WASF3: variants seen among roughly 807,000 people sequenced by gnomAD.
The protein encoded by WASF3 is WASP family member 3.
Under a neutral mutation model 46.6 loss-of-function variants are expected in WASF3, and 11 were observed. That is an observed-to-expected ratio of 0.24 (90% confidence interval 0.15 to 0.39). The LOEUF (loss-of-function observed/expected upper bound fraction) is 0.39, where lower values mean the gene tolerates loss of function less well. WASF3 is among the 10% of genes least tolerant of loss of function. The probability of loss-of-function intolerance (pLI) is 1.00; values close to 1 mark genes in which losing one functional copy is unlikely to be tolerated. For missense variants in WASF3, 576 were observed against 669.8 expected, an observed-to-expected ratio of 0.86 and a Z score of 1.55; for synonymous variants, 242 against 259.7, an observed-to-expected ratio of 0.93 and a Z score of 0.65.
chr13:26,575,665 T>C (rs1333866516), intron 1 of WASF3, among the ~76,000 whole-genome samples: 1 of 152,238 alleles, frequency 6.6e-6, no homozygotes, highest in Non-Finnish European at 1.5e-5. Flanking sequence ...TTAGCCTCGT[T>C]AGTTGAAGGA....
intron 2 of WASF3, among the ~76,000 whole-genome samples, chr13:26,623,752 A>G (rs986403214): frequency 6.6e-6 from 1 of 152,158 alleles, no homozygotes; most frequent in Non-Finnish European, 1.5e-5. Flanking sequence ...GCACCTGGTA[A>G]CGTAGCAATA....
chr13:26,664,210 G>A (rs1292441677), intron 3 of WASF3, among the ~76,000 whole-genome samples: 1 of 152,188 alleles, frequency 6.6e-6, no homozygotes. Flanking sequence ...TCTCATTTGA[G>A]TGATAAACTG....
chr13:26,657,688 T>C (rs1311997129), intron 3 of WASF3, among the ~76,000 whole-genome samples: 1 of 152,240 alleles, frequency 6.6e-6, no homozygotes, highest in Non-Finnish European at 1.5e-5. Context: ...ATGAATAAAT[T>C]GCATTTACCT....
At chr13:26,622,105 G>A (rs925924608) in intron 2 of WASF3, among the ~76,000 whole-genome samples, 1 of 152,162 alleles carries the variant, frequency 6.6e-6, no homozygotes, top group Non-Finnish European at 1.5e-5. Flanking sequence ...AGTTTTGTGT[G>A]TATAATATAG....
At chr13:26,651,542 T>TA (rs1882316085) in intron 3 of WASF3, among the ~76,000 whole-genome samples, 1 of 152,166 alleles carries the variant, frequency 6.6e-6, no homozygotes, top group Admixed American at 6.5e-5. Flanking sequence ...TCAGTGAAAA[T>TA]ATCTTTTAAA....
At chr13:26,685,414 CCA>C (rs1883372168) in intron 9 of WASF3, among the ~76,000 whole-genome samples, 1 of 152,114 alleles carries the variant, frequency 6.6e-6, no homozygotes, top group Non-Finnish European at 1.5e-5. Flanking sequence ...TGGTGCAGCT[CCA>C]CAGTTTTCTC....
chr13:26,562,524 T>TA (rs1011545841), intron 1 of WASF3, among the ~76,000 whole-genome samples: 1 of 152,110 alleles, frequency 6.6e-6, no homozygotes, highest in African/African-American at 2.4e-5. Flanking sequence ...GGAGGGCAGA[T>TA]AAAGGGGGAA....
intron 1 of WASF3, among the ~76,000 whole-genome samples, chr13:26,606,296 C>G (rs1377470268): frequency 6.6e-6 from 1 of 150,848 alleles, no homozygotes; most frequent in African/African-American, 2.4e-5. Context: ...GTTTGACTTT[C>G]TCTTTTTTCT....
At chr13:26,649,288 GA>G (rs1051448987) in intron 3 of WASF3, among the ~76,000 whole-genome samples, 55 of 152,306 alleles carry the variant, frequency 3.6e-4, no homozygotes, top group African/African-American at 1.2e-3. Context: ...GGTGGAAAAG[GA>G]AAAATATGTG....
At chr13:26,549,689 T>A in the WASF3 span, among the ~76,000 whole-genome samples, 1 of 152,224 alleles carries the variant, frequency 6.6e-6, no homozygotes, top group African/African-American at 2.4e-5. Flanking sequence ...CTTCAAGGGC[T>A]TTCCTAAGAA....
chr13:26,621,991 G>T (rs922125080), intron 2 of WASF3, among the ~76,000 whole-genome samples: 1 of 152,122 alleles, frequency 6.6e-6, no homozygotes, highest in Admixed American at 6.5e-5. Flanking sequence ...TACTCTATGG[G>T]CCCTGGCTAC....
chr13:26,567,458 A>C (rs542944672), intron 1 of WASF3, among the ~76,000 whole-genome samples: 1 of 152,320 alleles, frequency 6.6e-6, no homozygotes, highest in East Asian at 1.9e-4. Flanking sequence ...TTTTGCAAGG[A>C]AAATTGTATT....
At chr13:26,554,092 C>CTTTCTTTCTTTCTTTCTTTCTTTCT (rs1443126879), upstream of WASF3, among the ~76,000 whole-genome samples, 1 of 23,276 alleles carries the variant, frequency 4.3e-5, no homozygotes, top group Non-Finnish European at 8.3e-5. Context: ...TCCTTCCTTC[C>CTTTCTTTCTTTCTTTCTTTCTTTCT]TTCCTTCTTT....
At chr13:26,668,387 C>T (rs1298312012) in intron 5 of WASF3, among the ~76,000 whole-genome samples, 2 of 152,222 alleles carry the variant, frequency 1.3e-5, no homozygotes, top group African/African-American at 4.8e-5. Context: ...GTCCTGTCCT[C>T]TCCCCACCTC....
At chr13:26,624,422 G>A (rs1251851230) in intron 2 of WASF3, among the ~76,000 whole-genome samples, 1 of 152,150 alleles carries the variant, frequency 6.6e-6, no homozygotes, top group African/African-American at 2.4e-5. Flanking sequence ...GTGGAGTGGG[G>A]AAGGGGAGGG....
At chr13:26,643,383 G>A (rs1439931534) in intron 3 of WASF3, among the ~76,000 whole-genome samples, 3 of 152,046 alleles carry the variant, frequency 2.0e-5, no homozygotes, top group East Asian at 1.9e-4. Flanking sequence ...TTGAAGAAAC[G>A]CTGCAGGTAA....
chr13:26,680,355 C>A (rs1038573447), intron 7 of WASF3, among the ~76,000 whole-genome samples: 6 of 152,176 alleles, frequency 3.9e-5, no homozygotes, highest in African/African-American at 1.4e-4. Context: ...TGCCGGGCTG[C>A]CACACTTGGG....
At chr13:26,684,152 G>A (rs918456667) in intron 9 of WASF3, among the ~76,000 whole-genome samples, 44 of 152,184 alleles carry the variant, frequency 2.9e-4, no homozygotes, top group African/African-American at 9.6e-4. Flanking sequence ...AAGACCCCAG[G>A]GTCCTCTGTG....
chr13:26,610,798 G>A (rs941492561), intron 1 of WASF3, among the ~76,000 whole-genome samples: 2 of 152,182 alleles, frequency 1.3e-5, no homozygotes, highest in Admixed American at 6.5e-5. Context: ...ATTGCAGCTC[G>A]TAGTAGAGGT....
Sources: allele counts gnomAD v4.1 joint callset (sites outside exome capture counted in the v4.1 genomes callset), GRCh38; gene constraint gnomAD v4.1.1; transcripts MANE v1.5; gene names NCBI Gene and HGNC (gene_info 2026-07-23, HGNC 2026-07-21).